TRPM7: variants seen among roughly 807,000 people sequenced by gnomAD.
The protein encoded by TRPM7 is transient receptor potential cation channel subfamily M member 7.
A neutral mutation model predicts 229.7 loss-of-function variants in TRPM7; 134 were observed. The observed-to-expected ratio is 0.58, with a 90% CI of 0.51 to 0.67. The LOEUF is 0.67. TRPM7 is among the 30% of genes least tolerant of loss of function. TRPM7 has a pLI of 0.00. For synonymous variants in TRPM7, 699 were observed against 715.2 expected, an observed-to-expected ratio of 0.98 and a Z score of 0.36; for missense variants, 1,901 against 2,210.0, an observed-to-expected ratio of 0.86 and a Z score of 2.80.
intron 13 of TRPM7, among the ~76,000 whole-genome samples, chr15:50,616,425 G>A (rs1421853847): frequency 6.6e-6 from 1 of 152,112 alleles, no homozygotes; most frequent in Non-Finnish European, 1.5e-5. Flanking sequence ...CATTACTTAA[G>A]ATTTCTAGGG....
At chr15:50,586,344 G>A in intron 28 of TRPM7, 48 bp downstream of exon 28, 1 of 1,229,834 alleles carries the variant, frequency 8.1e-7, no homozygotes, top group Non-Finnish European at 1.2e-6. Flanking sequence ...CATTTAAAGT[G>A]TAAATGAGTA....
intron 6 of TRPM7, among the ~76,000 whole-genome samples, chr15:50,638,187 G>A (rs930543146): frequency 6.6e-5 from 10 of 150,870 alleles, no homozygotes; most frequent in African/African-American, 9.8e-5. Flanking sequence ...GTGAAACCCC[G>A]TCTCTACTAA....
intron 2 of TRPM7, among the ~76,000 whole-genome samples, chr15:50,660,863 A>T (rs758929842): frequency 9.9e-5 from 15 of 152,220 alleles, no homozygotes; most frequent in Non-Finnish European, 1.5e-4. Flanking sequence ...AAAGATCTTC[A>T]TTGTGGCCTA....
chr15:50,571,235 T>C (rs1159535131), intron 36 of TRPM7, among the ~76,000 whole-genome samples: 1 of 152,230 alleles, frequency 6.6e-6, no homozygotes, highest in Admixed American at 6.5e-5. Context: ...TATTCCATAC[T>C]GGAAAGACTG....
At chr15:50,664,417 C>T (rs2061827137) in intron 1 of TRPM7, among the ~76,000 whole-genome samples, 1 of 150,244 alleles carries the variant, frequency 6.7e-6, no homozygotes, top group Admixed American at 6.6e-5. Flanking sequence ...GTTAATGATA[C>T]AGGAATAAAA....
Position 50,592,177 on chromosome 15 carries a change from C to T in TRPM7, c.4058G>A (p.Gly1353Asp), listed in dbSNP as rs751706326. 7 of 1,614,046 alleles carry T rather than the reference C, an allele frequency of 4.3e-6. No homozygotes were observed. Among genetic ancestry groups the T allele is most frequent in the Non-Finnish European group, 5.9e-6 (7 of 1,179,994 alleles). ...GGAAACAGCACTTGGGAATAAGGCA[C>T]CAGAAGAGGAACCAGCCTCTGGAAA... ...FNFPEAGSSSGALFPSAVSPP... is the reference protein window; with the variant it reads ...FNFPEAGSSSDALFPSAVSPP... Residue 1353 changes from glycine to aspartate, a missense_variant, in exon 26 of 39, where the codon GGT (glycine) becomes GAT (aspartate). Physicochemically the swap from Gly to Asp is moderately conservative, Grantham distance 94. This residue lies in a region of TRPM7 where 533 missense variants were observed against 497.1 expected (regional missense o/e 1.07). Transcript: ENST00000646667.
In TRPM7 at chr15:50,592,376, A is replaced by G; in HGVS notation, c.3859T>C (p.Ser1287Pro). The part of the protein sequence containing the change: ...NLIDDGPVRP[S>P]VWKKHGVVNT... Reference sequence around the variant, plus strand: ...ACAACACCATGCTTTTTCCATACAGAAGGTCTTACAGGACCATCATCAATA... The same window carrying G: ...ACAACACCATGCTTTTTCCATACAGGAGGTCTTACAGGACCATCATCAATA... The change falls in exon 26 of 39, where the codon TCT (serine) becomes CCT (proline). Residue 1287 changes from serine to proline, a missense_variant. Coordinates refer to ENST00000646667, the MANE Select transcript of TRPM7 (RefSeq NM_017672.6). 1 of 1,614,190 alleles carries G rather than the reference A, an allele frequency of 6.2e-7. No individual in the cohort carries two copies. Among genetic ancestry groups the G allele is most frequent in the South Asian group, 1.1e-5 (1 of 91,082 alleles).
In TRPM7 at chr15:50,578,581, G is replaced by GT. The variant is rs2140292215; in HGVS notation, c.4618+57dup. 4 of 1,530,938 alleles carry GT rather than the reference G, an allele frequency of 2.6e-6. No individual in the cohort carries two copies. In the East Asian group the frequency reaches 6.8e-5, roughly 26 times the overall value. The allele number at this position is 1,530,938 out of a possible 1,614,324, so 94.8% of individuals were successfully genotyped here. ...TACCTAGAATAATGTGGTGTTTGCT[G>GT]TAACAGATCATGTAAGATTCTCATT... is the stretch of plus-strand genomic sequence containing the variant. On this transcript the variant is annotated intron_variant, in intron 31 of 38. Transcript: ENST00000646667.
At chr15:50,658,368 T>A (rs1454602153) in intron 2 of TRPM7, among the ~76,000 whole-genome samples, 24 of 150,860 alleles carry the variant, frequency 1.6e-4, no homozygotes, top group Non-Finnish European at 3.0e-5. Flanking sequence ...AGTCCAGGAG[T>A]TTAAGATCAG....
intron 1 of TRPM7, among the ~76,000 whole-genome samples, chr15:50,677,651 A>G (rs1169523140): frequency 6.8e-6 from 1 of 146,536 alleles, no homozygotes; most frequent in Non-Finnish European, 1.5e-5. Flanking sequence ...AGGCAGAAGA[A>G]TTGCTTGAAT....
At position 50,557,556 on chromosome 15, in the gene TRPM7, C is replaced by T. The variant is rs1416873390; in HGVS notation, c.*4122G>A. On this transcript the variant is annotated 3_prime_UTR_variant, in exon 39 of 39. Coordinates refer to ENST00000646667, the MANE Select transcript of TRPM7 (RefSeq NM_017672.6). ...ATAATCTTTTCTATAATTTCCAATA[C>T]AATCAACATGTATTACTTGTAAAAT... The T allele has an allele frequency of 1.3e-5, 2 of 152,176 alleles. No individual in the cohort carries two copies. Among genetic ancestry groups the T allele is most frequent in the African/African-American group, 4.8e-5 (2 of 41,430 alleles). 9.4% of individuals were successfully genotyped at this position (152,176 alleles called of 1,614,324 possible). A position where few individuals can be genotyped will look rare whatever the true frequency, so the allele number is the denominator to read the frequency against.
chr15:50,686,780 G>C lies in TRPM7; in HGVS notation c.-247C>G, dbSNP rs772322113. 3 of 441,938 alleles carry C rather than the reference G, an allele frequency of 6.8e-6. No homozygotes were observed. Among genetic ancestry groups the C allele is most frequent in the Non-Finnish European group, 3.9e-6 (1 of 254,488 alleles). The allele number at this position is 441,938 out of a possible 1,614,324, so 27.4% of individuals were successfully genotyped here. A position where few individuals can be genotyped will look rare whatever the true frequency, so the allele number is the denominator to read the frequency against. Reference sequence around the variant, plus strand: ...GGACGCGCCCGCGCCCGCCTCCGCCGGCGACGGGGCTGGGGACGGACCACG... The same window carrying C: ...GGACGCGCCCGCGCCCGCCTCCGCCCGCGACGGGGCTGGGGACGGACCACG... On this transcript the variant is annotated 5_prime_UTR_variant, in exon 1 of 39. Transcript: ENST00000646667.
At chr15:50,614,360 G>A (rs1023067579) in intron 13 of TRPM7, 97 bp from the exon 14 acceptor site, 8 of 1,158,970 alleles carry the variant, frequency 6.9e-6, no homozygotes, top group Non-Finnish European at 8.3e-6. Flanking sequence ...AATGACAAAT[G>A]TTTACTTCTT....
At chr15:50,570,721 G>A (rs1330714551) in intron 36 of TRPM7, among the ~76,000 whole-genome samples, 1 of 151,126 alleles carries the variant, frequency 6.6e-6, no homozygotes, top group African/African-American at 2.4e-5. Context: ...GACATGGTGG[G>A]GGGCGCCTGT....
intron 20 of TRPM7, among the ~76,000 whole-genome samples, chr15:50,606,200 G>A (rs73395556): frequency 0.016 from 2,480 of 152,156 alleles, 85 homozygotes; most frequent in African/African-American, 0.057. Context: ...CCAACATGGC[G>A]AAACCACATC....
At chr15:50,578,616 T>C in intron 31 of TRPM7, 23 bp downstream of exon 31, 1 of 1,607,182 alleles carries the variant, frequency 6.2e-7, no homozygotes, top group Non-Finnish European at 8.5e-7. Context: ...TTTTTTCACG[T>C]TCAATCTACC....
At chr15:50,651,240 GA>G (rs141836514) in intron 3 of TRPM7, among the ~76,000 whole-genome samples, 22,231 of 152,142 alleles carry the variant, frequency 0.15, 2,216 homozygotes, top group Admixed American at 0.28. Flanking sequence ...CAAAGAAGCA[GA>G]AAACTATCAA....
At position 50,607,285 on chromosome 15, in the gene TRPM7, A is replaced by G. The variant is rs747074668; in HGVS notation, c.2624T>C (p.Leu875Pro). Reference protein sequence around the residue: ...GFLMLYTFVVLVQMEQLPSVQ... With the variant: ...GFLMLYTFVVPVQMEQLPSVQ... Reference sequence around the variant, plus strand: ...TGAAGGTAACTGTTCCATTTGTACAAGAACCACAAATGTATAAAGCATCAG... The same window carrying G: ...TGAAGGTAACTGTTCCATTTGTACAGGAACCACAAATGTATAAAGCATCAG... The change falls in exon 20 of 39, where the codon CTT becomes CCT. Residue 875 changes from leucine to proline, a missense_variant. This residue lies in a region of TRPM7 where 207 missense variants were observed against 241.5 expected (regional missense o/e 0.86). Coordinates refer to ENST00000646667, the MANE Select transcript of TRPM7 (RefSeq NM_017672.6). 1 of 1,606,198 alleles carries G rather than the reference A, an allele frequency of 6.2e-7. No homozygotes were observed.
chr15:50,578,764 T>C, intron 30 of TRPM7, 100 bp from the exon 31 acceptor site: 1 of 762,630 alleles, frequency 1.3e-6, no homozygotes, highest in South Asian at 3.5e-5. Flanking sequence ...ATAAAAAATA[T>C]TATTAAGGAA....
Sources: gnomAD v4.1 joint callset for allele counts (sites outside exome capture counted in the v4.1 genomes callset) on GRCh38, gnomAD v4.1.1 for gene constraint, gnomAD v4.1.1 regional missense constraint, MANE v1.5 for transcripts, NCBI Gene and HGNC (gene_info 2026-07-23, HGNC 2026-07-21) for gene names.